ALDH18A1: variants seen among roughly 807,000 people sequenced by gnomAD.
ALDH18A1 encodes aldehyde dehydrogenase 18 family member A1.
ALDH18A1 carries 44 observed loss-of-function variants against 88.8 expected under a neutral mutation model. The observed-to-expected ratio is 0.50, with a 90% CI of 0.39 to 0.64. The LOEUF is 0.64. Among genes scored for constraint, ALDH18A1 ranks in the 30% least tolerant of loss-of-function variants. ALDH18A1 has a pLI of 0.00. For missense variants in ALDH18A1, 782 were observed against 1,009.5 expected (o/e 0.77, Z 3.05); for synonymous variants, 331 against 372.1 (o/e 0.89, Z 1.27).
intron 11 of ALDH18A1, among the ~76,000 whole-genome samples, 193 bp downstream of exon 11, chr10:95,625,169 G>T (rs975154563): frequency 2.6e-5 from 4 of 152,044 alleles, no homozygotes; most frequent in African/African-American, 9.7e-5. Flanking sequence ...AGCTCCTCTG[G>T]GGGTTGTACT....
At chr10:95,654,589 T>C (rs113061509) in intron 1 of ALDH18A1, among the ~76,000 whole-genome samples, 4 of 151,734 alleles carry the variant, frequency 2.6e-5, no homozygotes, top group East Asian at 1.9e-4. Context: ...TTTAGCCCCA[T>C]AGTGAAGAAA....
intron 2 of ALDH18A1, among the ~76,000 whole-genome samples, chr10:95,650,499 G>A (rs1355681562): frequency 6.6e-6 from 1 of 152,200 alleles, no homozygotes; most frequent in African/African-American, 2.4e-5. Flanking sequence ...CAGAGGGAAT[G>A]CATGAGTCCT....
intron 2 of ALDH18A1, among the ~76,000 whole-genome samples, chr10:95,649,341 A>G (rs1288006503): frequency 6.8e-6 from 1 of 147,860 alleles, no homozygotes; most frequent in Non-Finnish European, 1.5e-5. Context: ...CATAGACTCC[A>G]TTTTTACAGA....
intron 7 of ALDH18A1, among the ~76,000 whole-genome samples, chr10:95,629,934 A>AC (rs2097865770): frequency 6.7e-6 from 1 of 148,498 alleles, no homozygotes; most frequent in South Asian, 2.1e-4. Flanking sequence ...AAAACCTTAC[A>AC]TTTTTTTTTT....
At chr10:95,642,909 T>C in intron 3 of ALDH18A1, 83 bp downstream of exon 3, 1 of 1,368,588 alleles carries the variant, frequency 7.3e-7, no homozygotes, top group Non-Finnish European at 1.0e-6. Context: ...TTTTTTTAAG[T>C]TGATGAGCAA....
intron 17 of ALDH18A1, among the ~76,000 whole-genome samples, chr10:95,608,039 A>C (rs564240751): frequency 6.6e-6 from 1 of 152,356 alleles, no homozygotes; most frequent in South Asian, 2.1e-4. Flanking sequence ...GGAAAATGAG[A>C]ATTCATCTTG....
At chr10:95,626,800 A>G in intron 9 of ALDH18A1, 24 bp from the exon 10 acceptor site, 1 of 1,613,102 alleles carries the variant, frequency 6.2e-7, no homozygotes. Context: ...TGCAAATATC[A>G]GGTCATGGTC....
Position 95,642,919 on chromosome 10 carries a change from A to G in ALDH18A1, c.303+73T>C, listed in dbSNP as rs1176535600. 3 of 1,450,644 alleles carry G rather than the reference A, an allele frequency of 2.1e-6. No homozygotes were observed. The Admixed American group carries it at 5.5e-5, about 27-fold the overall frequency. The allele number at this position is 1,450,644 out of a possible 1,614,324, so 89.9% of individuals were successfully genotyped here. ...AATTATTTTTTTAAGTTGATGAGCA[A>G]CTTAAACCTAATCTGAACTAGCGAC... On this transcript the variant is annotated intron_variant, in intron 3 of 17. Transcript: ENST00000371224.
intron 2 of ALDH18A1, among the ~76,000 whole-genome samples, chr10:95,647,047 CTTTCT>C (rs998535750): frequency 6.6e-6 from 1 of 152,130 alleles, no homozygotes; most frequent in African/African-American, 2.4e-5. Context: ...CTCATTTTGC[CTTTCT>C]TTTCTTTTTT....
chr10:95,627,682 A>C, intron 8 of ALDH18A1, 96 bp from the exon 9 acceptor site: 1 of 1,433,482 alleles, frequency 7.0e-7, no homozygotes, highest in East Asian at 2.3e-5. Flanking sequence ...GTTGATATTG[A>C]ACAACTTAAG....
intron 13 of ALDH18A1, among the ~76,000 whole-genome samples, chr10:95,616,130 T>C (rs1385599394): frequency 6.6e-6 from 1 of 152,214 alleles, no homozygotes; most frequent in East Asian, 1.9e-4. Flanking sequence ...TTGTAAAGTT[T>C]CTCATCTGAC....
At chr10:95,611,790 T>A (rs1272487285) in intron 15 of ALDH18A1, among the ~76,000 whole-genome samples, 2 of 151,902 alleles carry the variant, frequency 1.3e-5, no homozygotes, top group African/African-American at 4.8e-5. Context: ...CTGGCCAACA[T>A]GGTGAAACCC....
Position 95,642,982 on chromosome 10 carries a change from T to C in ALDH18A1, c.303+10A>G. 1 of 1,612,894 alleles carries C rather than the reference T, an allele frequency of 6.2e-7. No homozygotes were observed. Among genetic ancestry groups the C allele is most frequent in the Non-Finnish European group, 8.5e-7 (1 of 1,179,846 alleles). On this transcript the variant is annotated intron_variant, in intron 3 of 17. Coordinates refer to ENST00000371224, the MANE Select transcript of ALDH18A1 (RefSeq NM_002860.4). ...TTTTAGTACAGCATAATTTCTATCT[T>C]GGCAATCACCTGCTCAACAATAGAT...
At chr10:95,614,456 G>A (rs2097841122) in intron 13 of ALDH18A1, among the ~76,000 whole-genome samples, 1 of 152,212 alleles carries the variant, frequency 6.6e-6, no homozygotes, top group African/African-American at 2.4e-5. Flanking sequence ...CTAGGGTACT[G>A]CTAGCCATAA....
At chr10:95,651,083 A>C (rs1440721160) in intron 2 of ALDH18A1, among the ~76,000 whole-genome samples, 2 of 152,154 alleles carry the variant, frequency 1.3e-5, no homozygotes, top group Non-Finnish European at 2.9e-5. Context: ...CAGTGAGCTG[A>C]GATTGCGCCA....
At chr10:95,646,106 T>C (rs1312573380) in intron 2 of ALDH18A1, among the ~76,000 whole-genome samples, 1 of 152,168 alleles carries the variant, frequency 6.6e-6, no homozygotes, top group Non-Finnish European at 1.5e-5. Context: ...CTATGCCAAG[T>C]ATCATGTATT....
chr10:95,643,570 A>G (rs1050587280), intron 2 of ALDH18A1, among the ~76,000 whole-genome samples: 41 of 152,400 alleles, frequency 2.7e-4, no homozygotes, highest in African/African-American at 9.4e-4. Context: ...CAGAAAAATC[A>G]GAAGCAGAGT....
Position 95,606,560 on chromosome 10 carries a change from A to T in ALDH18A1, c.*202T>A, listed in dbSNP as rs886047509. The T allele has an allele frequency of 8.2e-6, 11 of 1,344,434 alleles. No individual in the cohort carries two copies. Among genetic ancestry groups the T allele is most frequent in the Middle Eastern group, 2.9e-4 (1 of 3,452 alleles). The allele number at this position is 1,344,434 out of a possible 1,614,324, so 83.3% of individuals were successfully genotyped here. A position where few individuals can be genotyped will look rare whatever the true frequency, so the allele number is the denominator to read the frequency against. On this transcript the variant is annotated 3_prime_UTR_variant, in exon 18 of 18. Transcript: ENST00000371224. ...TCGGTAGCAACTATTTTCTTACTTTAAAAAAAAAGGGTGAGCTGGGAGCCA... is the reference window on the plus strand; with the variant it reads ...TCGGTAGCAACTATTTTCTTACTTTTAAAAAAAAGGGTGAGCTGGGAGCCA...
intron 12 of ALDH18A1, among the ~76,000 whole-genome samples, chr10:95,619,259 C>T (rs2097848495): frequency 6.6e-6 from 1 of 152,104 alleles, no homozygotes; most frequent in South Asian, 2.1e-4. Context: ...TCAAGGAGAA[C>T]TACAAACCAC....
Sources: gnomAD v4.1 joint callset for allele counts (sites outside exome capture counted in the v4.1 genomes callset) on GRCh38, gnomAD v4.1.1 for gene constraint, MANE v1.5 for transcripts, NCBI Gene and HGNC (gene_info 2026-07-23, HGNC 2026-07-21) for gene names.